Variants in USP25 observed in about 807,000 individuals in gnomAD.
The protein encoded by USP25 is ubiquitin specific peptidase 25.
In USP25, 85 loss-of-function variants were observed where a neutral mutation model predicts 158.5. The ratio of observed to expected loss-of-function variants is 0.54; its 90% confidence interval spans 0.45 to 0.64. The LOEUF (loss-of-function observed/expected upper bound fraction) is 0.64, where lower values mean the gene tolerates loss of function less well. USP25 is among the 30% of genes least tolerant of loss of function. The pLI, the probability that USP25 is intolerant of heterozygous loss-of-function variation, is 0.00. For missense variants in USP25, 1,242 were observed against 1,327.3 expected, an observed-to-expected ratio of 0.94 and a Z score of 1.00; for synonymous variants, 464 against 460.4, an observed-to-expected ratio of 1.01 and a Z score of -0.10.
chr21:15,809,031 A>G (rs2036529744), intron 8 of USP25, 146 bp downstream of exon 8: 1 of 592,630 alleles, frequency 1.7e-6, no homozygotes, highest in African/African-American at 1.9e-5. Context: ...TAGAATTTGC[A>G]GGCACAAATA....
chr21:15,764,306 G>A (rs2033908364), intron 2 of USP25, among the ~76,000 whole-genome samples: 1 of 148,616 alleles, frequency 6.7e-6, no homozygotes, highest in Admixed American at 6.7e-5. Flanking sequence ...GGGTAAATTT[G>A]GGGAATTTGC....
chr21:15,791,040 T>G (rs368162176), intron 4 of USP25, among the ~76,000 whole-genome samples: 96 of 152,004 alleles, frequency 6.3e-4, no homozygotes, highest in African/African-American at 2.2e-3. Flanking sequence ...TTTAACTCAC[T>G]GAACTTTTTT....
chr21:15,823,935 G>C, intron 10 of USP25, 104 bp from the exon 11 acceptor site: 4 of 1,152,168 alleles, frequency 3.5e-6, no homozygotes, highest in Non-Finnish European at 4.9e-6. Flanking sequence ...CCGCATTGTG[G>C]TGATACATAT....
intron 11 of USP25, among the ~76,000 whole-genome samples, chr21:15,824,445 A>G (rs1469866109): frequency 1.3e-5 from 2 of 152,164 alleles, no homozygotes; most frequent in Non-Finnish European, 2.9e-5. Context: ...TACATCTTAT[A>G]CAATTTTGAA....
chr21:15,860,971 T>TAGAGAG (rs371751056), intron 20 of USP25, among the ~76,000 whole-genome samples: 2,177 of 143,522 alleles, frequency 0.015, 16 homozygotes, highest in Middle Eastern at 0.031. Flanking sequence ...TATATATATA[T>TAGAGAG]ATATAGAGAG....
chr21:15,811,613 G>A (rs1041886966), intron 9 of USP25, among the ~76,000 whole-genome samples: 2 of 152,018 alleles, frequency 1.3e-5, no homozygotes, highest in African/African-American at 4.8e-5. Context: ...CATAGTCAGG[G>A]TATTATAGAG....
intron 5 of USP25, among the ~76,000 whole-genome samples, chr21:15,795,094 T>A (rs1214960882): frequency 4.6e-5 from 7 of 151,612 alleles, no homozygotes; most frequent in African/African-American, 1.7e-4. Context: ...AAGAGACCTG[T>A]ATCTAATCCA....
At chr21:15,792,920 T>C (rs2035668829) in intron 5 of USP25, among the ~76,000 whole-genome samples, 1 of 151,632 alleles carries the variant, frequency 6.6e-6, no homozygotes, top group African/African-American at 2.4e-5. Flanking sequence ...CTTCTAGCCT[T>C]GATTATACGT....
rs375737732 is a variant in USP25 at position 15,747,956 on chromosome 21, T to C, written c.46-14935T>C. ...GTACTTTCATGAGTAGACATTTTTA[T>C]TTTTAATTTAGTTTCATGTATAATT... On this transcript the variant is annotated intron_variant, in intron 1 of 25. Coordinates refer to ENST00000400183, the MANE Select transcript of USP25 (RefSeq NM_001283041.3). 4.6e-5 allele frequency among the ~76,000 whole-genome samples: 7 copies of C among 152,244 alleles called. No individual in the cohort carries two copies. The East Asian group carries it at 1.2e-3, about 25-fold the overall frequency.
At position 15,826,085 on chromosome 21, in the gene USP25, A is replaced by G; in HGVS notation, c.1305-119A>G. ...TTTTACCATCTTCGTTTTAAAGCAA[A>G]TGAATTTTATTGCTGAGGAAGTTTT... On this transcript the variant is annotated intron_variant, in intron 12 of 25. Transcript: ENST00000400183. This position sits in a 1 kb window ranked among gnomAD's most constrained non-coding sequence, Gnocchi z 4.8. The G allele has an allele frequency of 9.1e-7, 1 of 1,104,744 alleles. No individual in the cohort carries two copies. Among genetic ancestry groups the G allele is most frequent in the Non-Finnish European group, 1.3e-6 (1 of 787,030 alleles). The allele number at this position is 1,104,744 out of a possible 1,614,324, so 68.4% of individuals were successfully genotyped here.
intron 1 of USP25, among the ~76,000 whole-genome samples, chr21:15,746,713 A>C (rs1438202016): frequency 6.6e-6 from 1 of 152,062 alleles, no homozygotes; most frequent in Non-Finnish European, 1.5e-5. Context: ...TTTAGTTTTT[A>C]TTCCAATTGT....
intron 17 of USP25, among the ~76,000 whole-genome samples, chr21:15,835,660 T>G (rs2038030339): frequency 6.6e-6 from 1 of 152,214 alleles, no homozygotes; most frequent in Non-Finnish European, 1.5e-5. Flanking sequence ...GAGATGGAAA[T>G]GGTCAATTCC....
Position 15,797,047 on chromosome 21 carries a change from A to G in USP25, c.556-2710A>G, listed in dbSNP as rs138913405. Among the ~76,000 whole-genome samples, 314 of 151,604 alleles carry G rather than the reference A, an allele frequency of 2.1e-3. 1 individual carries two copies. Among genetic ancestry groups the G allele is most frequent in the Middle Eastern group, 0.014 (4 of 294 alleles). ...AAATTTAGCAGCATTATTAGACACA[A>G]CTGAAGAGATAATTAGCCAACTGGT... On this transcript the variant is annotated intron_variant, in intron 5 of 25. Coordinates refer to ENST00000400183, the MANE Select transcript of USP25 (RefSeq NM_001283041.3).
intron 4 of USP25, among the ~76,000 whole-genome samples, chr21:15,783,717 G>A (rs1348836785): frequency 6.6e-6 from 1 of 151,960 alleles, no homozygotes; most frequent in Non-Finnish European, 1.5e-5. Flanking sequence ...CAGCACTTTG[G>A]GAGGCCAAAG....
At position 15,842,455 on chromosome 21, in the gene USP25, A is replaced by T; in HGVS notation, c.2252A>T (p.Lys751Met). Residue 751 changes from lysine to methionine, a missense_variant, in exon 18 of 26, where the codon AAG (lysine) becomes ATG (methionine). Physicochemically the swap from Lys to Met is moderately conservative, Grantham distance 95. Coordinates refer to ENST00000400183, the MANE Select transcript of USP25 (RefSeq NM_001283041.3). ...CAGCCATCAAGAAGTGATTTCTCAA[A>T]GCACTTGAAAGAAGAAACTATTCAA... ...LEQPSRSDFSKHLKEETIQII... is the reference protein window; with the variant it reads ...LEQPSRSDFSMHLKEETIQII... The T allele has an allele frequency of 6.2e-7, 1 of 1,613,824 alleles. No homozygotes were observed. Among genetic ancestry groups the T allele is most frequent in the East Asian group, 2.2e-5 (1 of 44,876 alleles).
intron 1 of USP25, among the ~76,000 whole-genome samples, chr21:15,759,652 G>A (rs1475831105): frequency 6.6e-6 from 1 of 152,172 alleles, no homozygotes; most frequent in Non-Finnish European, 1.5e-5. Context: ...TCATGCAAAT[G>A]AAGCCTCCAA....
At chr21:15,833,296 A>AT in intron 16 of USP25, 52 bp from the exon 17 acceptor site, 1 of 1,544,702 alleles carries the variant, frequency 6.5e-7, no homozygotes, top group Non-Finnish European at 8.8e-7. Flanking sequence ...TGAGCTTTGC[A>AT]TTTTCCCTTT....
chr21:15,827,661 A>G (rs370221615), intron 14 of USP25, among the ~76,000 whole-genome samples: 11 of 152,140 alleles, frequency 7.2e-5, no homozygotes, highest in Admixed American at 3.3e-4. Context: ...ATGAGTATCT[A>G]TGATCCCATT....
intron 20 of USP25, among the ~76,000 whole-genome samples, chr21:15,855,671 G>A (rs1187862808): frequency 2.0e-5 from 3 of 152,160 alleles, no homozygotes; most frequent in African/African-American, 7.2e-5. Flanking sequence ...CATCTTTCAA[G>A]TCAGTTACAC....
Sources: gnomAD v4.1 joint callset for allele counts (sites outside exome capture counted in the v4.1 genomes callset) on GRCh38, gnomAD v4.1.1 for gene constraint, Gnocchi (gnomAD v3.1) non-coding constraint, MANE v1.5 for transcripts, NCBI Gene and HGNC (gene_info 2026-07-23, HGNC 2026-07-21) for gene names.